The following FKBP15 variants were observed in gnomAD, a reference collection of about 807,000 sequenced individuals.
FKBP15 encodes FK506-binding protein 15.
Under a neutral mutation model 158.1 loss-of-function variants are expected in FKBP15, and 106 were observed. The ratio of observed to expected loss-of-function variants is 0.67; its 90% CI spans 0.57 to 0.79. The LOEUF (loss-of-function observed/expected upper bound fraction) is 0.79, where lower values mean the gene tolerates loss of function less well. Ranked by LOEUF, FKBP15 falls within the 30% of genes least tolerant of loss-of-function variation. The probability of loss-of-function intolerance (pLI) is 0.00; values close to 1 mark genes in which losing one functional copy is unlikely to be tolerated. For synonymous variants in FKBP15, 547 were observed against 548.6 expected (o/e 1.00, Z 0.04); for missense variants, 1,287 against 1,479.1 (o/e 0.87, Z 2.13).
At chr9:113,209,585 T>C (rs1213946598) in intron 2 of FKBP15, among the ~76,000 whole-genome samples, 1 of 152,220 alleles carries the variant, frequency 6.6e-6, no homozygotes. Flanking sequence ...ATGAAATATG[T>C]TTGGTCTTTG....
At chr9:113,190,441 A>G (rs1830555018) in intron 12 of FKBP15, 30 bp downstream of exon 12, 1 of 1,501,432 alleles carries the variant, frequency 6.7e-7, no homozygotes, top group Admixed American at 1.8e-5. Context: ...CATCTGTACT[A>G]TTCATTCTAA....
chr9:113,176,191 T>A lies in FKBP15; in HGVS notation c.2223+346A>T, dbSNP rs539078470. Among the ~76,000 whole-genome samples the A allele has an allele frequency of 6.5e-4, 99 of 152,264 alleles. 1 individual carries two copies. Among genetic ancestry groups the A allele is most frequent in the African/African-American group, 2.3e-3 (96 of 41,536 alleles). ...CTACTATGCAGCAGTTAACTACGAG[T>A]GAGAAAGATCTCCTTCTTATGTAGT... On this transcript the variant is annotated intron_variant, in intron 21 of 27. Transcript: ENST00000238256.
chr9:113,188,648 G>A, intron 12 of FKBP15, 157 bp from the exon 13 acceptor site: 1 of 603,424 alleles, frequency 1.7e-6, no homozygotes, highest in Non-Finnish European at 2.9e-6. Context: ...GGTGTGGGTT[G>A]TGGAGAAAAA....
At chr9:113,212,091 A>T (rs1034178864) in intron 1 of FKBP15, among the ~76,000 whole-genome samples, 1 of 152,190 alleles carries the variant, frequency 6.6e-6, no homozygotes, top group African/African-American at 2.4e-5. Context: ...CCATCCTTTC[A>T]TCTAACAGAA....
In FKBP15 at chr9:113,162,395, T is replaced by A. The variant is rs1053848379; in HGVS notation, c.*3683A>T. 27 of 216,796 alleles carry A rather than the reference T, an allele frequency of 1.2e-4. No homozygotes were observed. In the South Asian group the frequency reaches 2.0e-3, roughly 16 times the overall value. The allele number at this position is 216,796 out of a possible 1,614,324, so 13.4% of individuals were successfully genotyped here. ...CCTAAGACCATGCTTTTTCTTTCCA[T>A]TGTCATACTGCCTCCCGAAGTAGAT... On this transcript the variant is annotated 3_prime_UTR_variant, in exon 28 of 28. Coordinates refer to ENST00000238256, the MANE Select transcript of FKBP15 (RefSeq NM_015258.2).
chr9:113,184,571 C>T lies in FKBP15; in HGVS notation c.1608+124G>A. The T allele has an allele frequency of 2.1e-6, 2 of 936,520 alleles. No homozygotes were observed. Among genetic ancestry groups the T allele is most frequent in the South Asian group, 1.5e-5 (1 of 67,952 alleles). 58.0% of individuals were successfully genotyped at this position (936,520 alleles called of 1,614,324 possible). A position where few individuals can be genotyped will look rare whatever the true frequency, so the allele number is the denominator to read the frequency against. ...GGATCCCAACATAATTATAACTATCCTTGTAGGGAAATAACCTCTCACTAC... is the reference window on the plus strand; with the variant it reads ...GGATCCCAACATAATTATAACTATCTTTGTAGGGAAATAACCTCTCACTAC... On this transcript the variant is annotated intron_variant, in intron 16 of 27. Coordinates refer to ENST00000238256, the MANE Select transcript of FKBP15 (RefSeq NM_015258.2). The surrounding 1 kb of genome is among the most constrained non-coding windows in gnomAD (Gnocchi z 4.5).
chr9:113,215,371 T>TAAA (rs59050609), intron 1 of FKBP15, among the ~76,000 whole-genome samples: 6 of 135,112 alleles, frequency 4.4e-5, no homozygotes, highest in African/African-American at 5.5e-5. Flanking sequence ...CAAGAAGAGA[T>TAAA]AAAAAAAAAA....
intron 1 of FKBP15, among the ~76,000 whole-genome samples, chr9:113,214,953 C>T (rs1398092925): frequency 6.6e-6 from 1 of 152,234 alleles, no homozygotes; most frequent in Non-Finnish European, 1.5e-5. Flanking sequence ...GCATCCTCAC[C>T]TCGCTCAGCC....
rs929813439 is a variant in FKBP15, at chr9:113,199,862, C to T, written c.600G>A (p.Leu200=). The change falls in exon 7 of 28, where the codon TTG becomes TTA. Residue 200 remains leucine, a synonymous_variant. Transcript: ENST00000238256. ...DGPAVEVGDS[L]EVAYTGWLFQ... is the part of the protein sequence containing the mutation. Reference sequence around the variant, plus strand: ...AGAGCCAGCCGGTATAGGCCACTTCCAAAGAATCTCCAACTTCTACAGCAG... The same window carrying T: ...AGAGCCAGCCGGTATAGGCCACTTCTAAAGAATCTCCAACTTCTACAGCAG... The T allele has an allele frequency of 6.2e-7, 1 of 1,613,206 alleles. No individual in the cohort carries two copies. The highest frequency in any genetic ancestry group is 1.3e-5 in the African/African-American group (1 of 75,038).
intron 4 of FKBP15, chr9:113,205,947 A>G (rs7852236): frequency 0.46 from 70,565 of 152,210 alleles, 16,687 homozygotes; most frequent in Non-Finnish European, 0.51. Context: ...GATTCCACCT[A>G]TATTAGGTAC....
At chr9:113,175,174 C>T (rs1028742808) in intron 21 of FKBP15, among the ~76,000 whole-genome samples, 55 of 150,230 alleles carry the variant, frequency 3.7e-4, no homozygotes, top group African/African-American at 1.2e-3. Context: ...AGTAAGAAAA[C>T]GAATGGATAT....
chr9:113,161,521 C>T lies in FKBP15; in HGVS notation c.*4557G>A, dbSNP rs200288219. The T allele has an allele frequency of 9.7e-5, 157 of 1,613,946 alleles. 1 individual carries two copies. The East Asian group carries it at 2.1e-3, about 21-fold the overall frequency. On this transcript the variant is annotated 3_prime_UTR_variant, in exon 28 of 28. Coordinates refer to ENST00000238256, the MANE Select transcript of FKBP15 (RefSeq NM_015258.2). ...CCTCCTTTGACAGGCATGGCCCTTT[C>T]GGTGTTGGTGCTCCTGCTTCTGGCT...
Position 113,199,684 on chromosome 9 carries a change from T to C in FKBP15, c.648+130A>G. On this transcript the variant is annotated intron_variant, in intron 7 of 27. Coordinates refer to ENST00000238256, the MANE Select transcript of FKBP15 (RefSeq NM_015258.2). ...TAATATGCCCCCAAAGCAATTGCAG[T>C]GTCTAAAGTGGGGATCCTAAAATAT... 5 of 906,612 alleles carry C rather than the reference T, an allele frequency of 5.5e-6. No homozygotes were observed. The East Asian group carries it at 8.4e-5, about 15-fold the overall frequency. 56.2% of individuals were successfully genotyped at this position (906,612 alleles called of 1,614,324 possible). A position where few individuals can be genotyped will look rare whatever the true frequency, so the allele number is the denominator to read the frequency against.
At chr9:113,210,243 G>C (rs901942693) in intron 2 of FKBP15, among the ~76,000 whole-genome samples, 2 of 151,838 alleles carry the variant, frequency 1.3e-5, no homozygotes, top group African/African-American at 4.8e-5. Flanking sequence ...GACTGGTCAA[G>C]GATACACAAC....
At chr9:113,181,924 G>C (rs1300951738) in intron 19 of FKBP15, among the ~76,000 whole-genome samples, 1 of 152,124 alleles carries the variant, frequency 6.6e-6, no homozygotes, top group African/African-American at 2.4e-5. Context: ...AATAAGAAAT[G>C]GTATAAAGTA....
chr9:113,211,405 G>A (rs11794592), intron 2 of FKBP15, 72 bp downstream of exon 2: 203,297 of 1,186,384 alleles, frequency 0.17, 18,918 homozygotes, highest in Non-Finnish European at 0.19. Context: ...GTGATCCACC[G>A]GCCTCGGCCT....
At position 113,182,825 on chromosome 9, in the gene FKBP15, A is replaced by G; in HGVS notation, c.1855T>C (p.Ser619Pro). The change falls in exon 19 of 28, where the codon TCA becomes CCA. Residue 619 changes from serine to proline, a missense_variant. Ser to Pro is a moderately conservative substitution (Grantham distance 74). Coordinates refer to ENST00000238256, the MANE Select transcript of FKBP15 (RefSeq NM_015258.2). ...GTGTTTTCTGTGGCTGTCTGAAGTG[A>G]GTTGTTCCTCTTCTCCATCATCAGG... Reference protein sequence around the residue: ...SNLMMEKRNNSLQTATENTQA... With the variant: ...SNLMMEKRNNPLQTATENTQA... 1.2e-6 allele frequency: 2 copies of G among 1,613,852 alleles called. No individual in the cohort carries two copies. The highest frequency in any genetic ancestry group is 2.2e-5 in the South Asian group (2 of 91,080).
In FKBP15 at chr9:113,194,174, G is replaced by C; in HGVS notation, c.865-5C>G. 6.3e-7 allele frequency: 1 copy of C among 1,599,062 alleles called. No homozygotes were observed. The highest frequency in any genetic ancestry group is 8.5e-7 in the Non-Finnish European group (1 of 1,171,796). ...AGAATCTCTGGCAAACTTCACCTAAGGAAACACCGCATATTCTCACTCATA... is the reference window on the plus strand; with the variant it reads ...AGAATCTCTGGCAAACTTCACCTAACGAAACACCGCATATTCTCACTCATA... On this transcript the variant is annotated splice_polypyrimidine_tract_variant and splice_region_variant and intron_variant, in intron 9 of 27. Coordinates refer to ENST00000238256, the MANE Select transcript of FKBP15 (RefSeq NM_015258.2).
chr9:113,176,598 T>C lies in FKBP15; in HGVS notation c.2162A>G (p.Lys721Arg). 6.3e-7 allele frequency: 1 copy of C among 1,587,284 alleles called. No individual in the cohort carries two copies. The highest frequency in any genetic ancestry group is 8.6e-7 in the Non-Finnish European group (1 of 1,164,282). Reference protein sequence around the residue: ...EKQNRKQLELKVTSLEEELTD... With the variant: ...EKQNRKQLELRVTSLEEELTD... ...CAGTTCCTCCTCCAGGGATGTCACC[T>C]TGAGTTCCAGTTGTTTCCGGTTCTG... Residue 721 changes from lysine (K) to arginine (R), a missense_variant, in exon 21 of 28, where the codon AAG becomes AGG. Physicochemically the swap from Lys to Arg is conservative, Grantham distance 26 (BLOSUM62 2). Transcript: ENST00000238256.
Sources: gnomAD v4.1 joint callset for allele counts (sites outside exome capture counted in the v4.1 genomes callset) on GRCh38, gnomAD v4.1.1 for gene constraint, Gnocchi (gnomAD v3.1) non-coding constraint, MANE v1.5 for transcripts, NCBI Gene and HGNC (gene_info 2026-07-23, HGNC 2026-07-21) for gene names.